The following FAM184B variants were observed in gnomAD, a reference collection of about 807,000 sequenced individuals.
FAM184B encodes the protein protein FAM184B.
A neutral mutation model predicts 135.9 loss-of-function variants in FAM184B; 111 were observed. That is an observed-to-expected ratio of 0.82 (90% CI 0.70 to 0.96). The LOEUF (loss-of-function observed/expected upper bound fraction) is 0.96, where lower values mean the gene tolerates loss of function less well. Among genes scored for constraint, FAM184B ranks in the 40% least tolerant of loss-of-function variants. The pLI is 0.00. For missense variants in FAM184B, 1,375 were observed against 1,323.9 expected (o/e 1.04, Z -0.60); for synonymous variants, 552 against 524.8 (o/e 1.05, Z -0.71).
rs557898087 is a variant in FAM184B, at chr4:17,657,142, CT to C, written c.2037+1207del. Among the ~76,000 whole-genome samples the C allele has an allele frequency of 7.2e-5, 11 of 152,162 alleles. 1 individual carries two copies. The East Asian group carries it at 2.1e-3, about 29-fold the overall frequency. On this transcript the variant is annotated intron_variant, in intron 10 of 17. Transcript: ENST00000265018. ...TGCCTCATGCAGCTTTTTGTTTTTC[CT>C]TGCATTAGTAAATGCTGCATTTTTT...
chr4:17,712,313 C>T (rs1013384770), intron 1 of FAM184B, among the ~76,000 whole-genome samples: 1 of 152,184 alleles, frequency 6.6e-6, no homozygotes, highest in African/African-American at 2.4e-5. Flanking sequence ...GGGTCAAAGA[C>T]TGAGAAATCC....
At chr4:17,642,288 G>A (rs1204848421) in intron 12 of FAM184B, 60 bp from the exon 13 acceptor site, 2 of 1,405,852 alleles carry the variant, frequency 1.4e-6, no homozygotes, top group Non-Finnish European at 9.2e-7. Context: ...AAGGCAGAAA[G>A]GGCCAGAGAT....
intron 5 of FAM184B, among the ~76,000 whole-genome samples, chr4:17,699,441 T>C (rs1255054280): frequency 2.5e-4 from 38 of 151,930 alleles, no homozygotes. Context: ...AAAGAGAAAA[T>C]CTTGAAAGCA....
intron 6 of FAM184B, among the ~76,000 whole-genome samples, chr4:17,688,962 G>A (rs1354958888): frequency 6.6e-6 from 1 of 152,044 alleles, no homozygotes; most frequent in South Asian, 2.1e-4. Flanking sequence ...AAAAGGGCTG[G>A]GATTATAGGC....
At chr4:17,649,496 A>G (rs1405686001) in intron 11 of FAM184B, among the ~76,000 whole-genome samples, 4 of 151,862 alleles carry the variant, frequency 2.6e-5, no homozygotes, top group Non-Finnish European at 5.9e-5. Context: ...AGGCAGGAGA[A>G]TGGTGTGAAC....
intron 14 of FAM184B, among the ~76,000 whole-genome samples, chr4:17,638,822 C>T (rs1715225842): frequency 6.6e-6 from 1 of 152,024 alleles, no homozygotes; most frequent in Non-Finnish European, 1.5e-5. Context: ...ACTGATGAGC[C>T]CCTGGCTAGT....
chr4:17,760,482 A>C (rs985818179), intron 1 of FAM184B, among the ~76,000 whole-genome samples: 3 of 151,662 alleles, frequency 2.0e-5, no homozygotes, highest in Admixed American at 6.6e-5. Context: ...AAAAAAAAAA[A>C]CAAAAACAAA....
At chr4:17,752,407 T>TTGGG (rs1362464574) in intron 1 of FAM184B, among the ~76,000 whole-genome samples, 1 of 151,800 alleles carries the variant, frequency 6.6e-6, no homozygotes, top group Non-Finnish European at 1.5e-5. Flanking sequence ...GAATGAATGG[T>TTGGG]TGGGTGGGTC....
At chr4:17,652,149 G>GTTC (rs1715637942) in intron 11 of FAM184B, among the ~76,000 whole-genome samples, 1 of 17,720 alleles carries the variant, frequency 5.6e-5, no homozygotes, top group Non-Finnish European at 1.4e-4. Flanking sequence ...TTTTTTTTTT[G>GTTC]AGTCTTGCAC....
At chr4:17,729,928 G>T (rs541969401) in intron 1 of FAM184B, among the ~76,000 whole-genome samples, 4 of 152,334 alleles carry the variant, frequency 2.6e-5, no homozygotes, top group Admixed American at 2.6e-4. Context: ...TGACTTTGAC[G>T]AGCTGAGAGA....
chr4:17,708,782 A>T (rs889669899), intron 2 of FAM184B, 110 bp downstream of exon 2: 15 of 1,155,702 alleles, frequency 1.3e-5, no homozygotes, highest in Non-Finnish European at 1.5e-5. Flanking sequence ...AATAGGGCTC[A>T]CCTCCGTAGA....
intron 17 of FAM184B, 123 bp from the exon 18 acceptor site, chr4:17,632,748 C>A: frequency 3.1e-6 from 2 of 647,782 alleles, no homozygotes; most frequent in East Asian, 3.0e-5. Context: ...CCAAATGGGA[C>A]TGGCCAACAT....
chr4:17,636,104 G>T (rs1275929814), intron 15 of FAM184B, among the ~76,000 whole-genome samples: 2 of 151,978 alleles, frequency 1.3e-5, no homozygotes, highest in Non-Finnish European at 2.9e-5. Context: ...TTTAATAATA[G>T]AAAAGAAAGG....
Position 17,664,041 on chromosome 4 carries a change from G to A in FAM184B, c.1694+521C>T, listed in dbSNP as rs75448704. 3.6e-3 allele frequency among the ~76,000 whole-genome samples: 545 copies of A among 152,238 alleles called. 13 individuals are homozygous for A. The East Asian group carries it at 0.058, about 16-fold the overall frequency. On this transcript the variant is annotated intron_variant, in intron 8 of 17. Transcript: ENST00000265018. ...ACCTCTTTCCTTTATAAATTACCCA[G>A]TCTTGGGGGATTCTTTATAGCGGTG...
At chr4:17,739,671 C>T (rs1302812684) in intron 1 of FAM184B, among the ~76,000 whole-genome samples, 1 of 145,870 alleles carries the variant, frequency 6.9e-6, no homozygotes, top group Non-Finnish European at 1.5e-5. Flanking sequence ...TCTCCTGCCT[C>T]AGCGTCCTGA....
chr4:17,636,602 G>T lies in FAM184B; in HGVS notation c.2710C>A (p.Pro904Thr). The stretch of plus-strand genomic sequence containing the variant: ...CGGCCAATGAGCTGAAGGTCCTCGG[G>T]CCTGGACGCTCCCTTCCCTGGCTTC... Reference protein sequence around the residue: ...GEKPGKGASRPEDLQLIGRLQ... With the variant: ...GEKPGKGASRTEDLQLIGRLQ... Residue 904 changes from proline (P) to threonine (T), a missense_variant, in exon 15 of 18, where the codon CCC (proline) becomes ACC (threonine). Coordinates refer to ENST00000265018, the MANE Select transcript of FAM184B (RefSeq NM_015688.2). 6.4e-7 allele frequency: 1 copy of T among 1,550,912 alleles called. No homozygotes were observed. Among genetic ancestry groups the T allele is most frequent in the East Asian group, 2.4e-5 (1 of 40,912 alleles).
intron 1 of FAM184B, among the ~76,000 whole-genome samples, chr4:17,767,086 A>G (rs573555477): frequency 6.6e-6 from 1 of 152,264 alleles, no homozygotes; most frequent in African/African-American, 2.4e-5. Flanking sequence ...CAGCAGCGCC[A>G]GCCGGCCCCT....
intron 1 of FAM184B, among the ~76,000 whole-genome samples, chr4:17,744,488 CACCACA>C (rs766303227): frequency 3.0e-4 from 43 of 143,812 alleles, no homozygotes; most frequent in African/African-American, 1.0e-3. Context: ...CACACACACA[CACCACA>C]CACACACACA....
intron 1 of FAM184B, among the ~76,000 whole-genome samples, chr4:17,762,619 A>T (rs1371444696): frequency 1.3e-5 from 2 of 152,246 alleles, no homozygotes; most frequent in African/African-American, 4.8e-5. Flanking sequence ...TGCAAAAAGA[A>T]GCCCATTATC....
Sources: gnomAD v4.1 joint callset for allele counts (sites outside exome capture counted in the v4.1 genomes callset) on GRCh38, gnomAD v4.1.1 for gene constraint, MANE v1.5 for transcripts, NCBI Gene and HGNC (gene_info 2026-07-23, HGNC 2026-07-21) for gene names.